The following MYLK variants were observed in gnomAD, a reference collection of about 807,000 sequenced individuals.
MYLK encodes the protein myosin light chain kinase, smooth muscle.
In MYLK, 106 loss-of-function variants were observed where a neutral mutation model predicts 203.4. The ratio of observed to expected loss-of-function variants is 0.52; its 90% CI spans 0.45 to 0.61. The LOEUF (loss-of-function observed/expected upper bound fraction) is 0.61, where lower values mean the gene tolerates loss of function less well. Ranked by LOEUF, MYLK falls within the 20% of genes least tolerant of loss-of-function variation. The pLI, the probability that MYLK is intolerant of heterozygous loss-of-function variation, is 0.00. For missense variants in MYLK, 2,072 were observed against 2,442.3 expected (o/e 0.85, Z 3.20); for synonymous variants, 867 against 959.5 (o/e 0.90, Z 1.78).
At chr3:123,721,733 G>A (rs2062094641) in intron 13 of MYLK, among the ~76,000 whole-genome samples, 1 of 151,098 alleles carries the variant, frequency 6.6e-6, no homozygotes, top group Admixed American at 6.6e-5. Flanking sequence ...TGTAGTGTGC[G>A]AGGTTTTCTT....
intron 2 of MYLK, among the ~76,000 whole-genome samples, chr3:123,853,347 G>A (rs888950478): frequency 6.6e-6 from 1 of 152,096 alleles, no homozygotes; most frequent in African/African-American, 2.4e-5. Context: ...ATTTCTTATG[G>A]AAAAGGAAAG....
intron 13 of MYLK, among the ~76,000 whole-genome samples, chr3:123,720,596 A>G (rs1203093239): frequency 6.6e-6 from 1 of 152,148 alleles, no homozygotes; most frequent in Non-Finnish European, 1.5e-5. Context: ...TCTCATTATC[A>G]CAATTTCCTG....
At chr3:123,667,015 G>C (rs2059757829) in intron 21 of MYLK, 122 bp downstream of exon 21, 1 of 868,838 alleles carries the variant, frequency 1.2e-6, no homozygotes, top group African/African-American at 1.7e-5. Context: ...CTGAGGGTGG[G>C]GGTGGGGTTG....
intron 31 of MYLK, chr3:123,621,546 T>G (rs1334663809): frequency 6.6e-6 from 1 of 152,224 alleles, no homozygotes; most frequent in Non-Finnish European, 1.5e-5. Context: ...GGAAAGCCAG[T>G]AAGCTTCAGT....
intron 19 of MYLK, among the ~76,000 whole-genome samples, chr3:123,689,031 C>G (rs1265266181): frequency 6.6e-6 from 1 of 152,188 alleles, no homozygotes; most frequent in Non-Finnish European, 1.5e-5. Flanking sequence ...TATGGCAGTG[C>G]CTGGCACAGA....
intron 2 of MYLK, among the ~76,000 whole-genome samples, chr3:123,842,811 T>A (rs745709243): frequency 9.2e-5 from 14 of 152,258 alleles, no homozygotes; most frequent in Non-Finnish European, 2.1e-4. Context: ...GATACATTAA[T>A]GAACAAAGCA....
chr3:123,785,383 C>T (rs1397150207), intron 4 of MYLK, among the ~76,000 whole-genome samples: 2 of 152,158 alleles, frequency 1.3e-5, no homozygotes, highest in African/African-American at 4.8e-5. Flanking sequence ...TGCTGCTTTC[C>T]CTTTGAGTAC....
At chr3:123,796,141 G>T (rs1235690350) in intron 3 of MYLK, among the ~76,000 whole-genome samples, 2 of 152,148 alleles carry the variant, frequency 1.3e-5, no homozygotes, top group African/African-American at 4.8e-5. Flanking sequence ...CACTTGTGTA[G>T]CACTTACTAG....
At chr3:123,692,991 C>T (rs757340887) in intron 18 of MYLK, 140 bp from the exon 19 acceptor site, 3 of 735,742 alleles carry the variant, frequency 4.1e-6, no homozygotes, top group African/African-American at 1.7e-5. Flanking sequence ...ACCAATCCCC[C>T]ACTCCTCACC....
intron 4 of MYLK, among the ~76,000 whole-genome samples, chr3:123,783,369 T>A (rs890865442): frequency 2.0e-5 from 3 of 152,176 alleles, no homozygotes; most frequent in Non-Finnish European, 2.9e-5. Context: ...ATTTTGCTAG[T>A]TTTTTAGGTG....
At chr3:123,616,006 T>C (rs2057471954) in intron 33 of MYLK, among the ~76,000 whole-genome samples, 2 of 152,040 alleles carry the variant, frequency 1.3e-5, no homozygotes, top group Admixed American at 1.3e-4. Context: ...AAAATAAGAG[T>C]CAAAACAAAA....
At chr3:123,859,269 T>C (rs1475196866) in intron 2 of MYLK, among the ~76,000 whole-genome samples, 1 of 152,256 alleles carries the variant, frequency 6.6e-6, no homozygotes, top group African/African-American at 2.4e-5. Context: ...TAAGATAACA[T>C]AGGCTCCCAT....
At chr3:123,719,304 TG>T (rs2062010845) in intron 13 of MYLK, among the ~76,000 whole-genome samples, 1 of 151,830 alleles carries the variant, frequency 6.6e-6, no homozygotes, top group South Asian at 2.1e-4. Context: ...TGCCACCTTG[TG>T]GCCAGAGCCC....
At chr3:123,641,662 A>T (rs182847142) in intron 27 of MYLK, among the ~76,000 whole-genome samples, 22 of 151,096 alleles carry the variant, frequency 1.5e-4, no homozygotes, top group Non-Finnish European at 3.0e-4. Context: ...ATAAGCCATC[A>T]TGCCTGGCCT....
chr3:123,724,280 C>G (rs1163011277), intron 12 of MYLK, among the ~76,000 whole-genome samples: 1 of 151,828 alleles, frequency 6.6e-6, no homozygotes, highest in Non-Finnish European at 1.5e-5. Flanking sequence ...CTGCGCCCAG[C>G]CTCCTATGGC....
intron 2 of MYLK, among the ~76,000 whole-genome samples, chr3:123,840,936 G>C (rs556719549): frequency 4.0e-4 from 61 of 152,114 alleles, no homozygotes; most frequent in Middle Eastern, 3.4e-3. Context: ...GTTTCTTGGG[G>C]ATCCAGAAGT....
chr3:123,695,535 G>T (rs951325827), intron 18 of MYLK, among the ~76,000 whole-genome samples: 2 of 151,802 alleles, frequency 1.3e-5, no homozygotes, highest in Admixed American at 6.5e-5. Context: ...ACTTACTATT[G>T]AAAAAGATAA....
At chr3:123,735,518 G>T in intron 8 of MYLK, 102 bp from the exon 9 acceptor site, 1 of 1,358,842 alleles carries the variant, frequency 7.4e-7, no homozygotes, top group East Asian at 2.3e-5. Flanking sequence ...CCACCCTGCT[G>T]GCTCCTTCCA....
At chr3:123,649,714 A>T (rs1266281124) in intron 24 of MYLK, among the ~76,000 whole-genome samples, 1 of 152,174 alleles carries the variant, frequency 6.6e-6, no homozygotes, top group Non-Finnish European at 1.5e-5. Flanking sequence ...CCTTTCTTAT[A>T]GCTTATAATT....
Sources: allele counts gnomAD v4.1 joint callset (sites outside exome capture counted in the v4.1 genomes callset), GRCh38; gene constraint gnomAD v4.1.1; transcripts MANE v1.5; gene names NCBI Gene and HGNC (gene_info 2026-07-23, HGNC 2026-07-21).